Variants in NTM observed in about 807,000 individuals in gnomAD.
NTM encodes neurotrimin, also known as IgLON family member 2.
In NTM, 13 loss-of-function variants were observed where a neutral mutation model predicts 42.1. The ratio of observed to expected loss-of-function variants is 0.31; its 90% CI spans 0.20 to 0.49. The LOEUF is 0.49. NTM is among the 20% of genes least tolerant of loss of function. The probability of loss-of-function intolerance (pLI) is 0.99; values close to 1 mark genes in which losing one functional copy is unlikely to be tolerated. For missense variants in NTM, 373 were observed against 452.8 expected (o/e 0.82, Z 1.60); for synonymous variants, 187 against 179.2 (o/e 1.04, Z -0.35).
intron 1 of NTM, among the ~76,000 whole-genome samples, chr11:131,810,687 G>C (rs1275089486): frequency 6.6e-6 from 1 of 152,156 alleles, no homozygotes; most frequent in Admixed American, 6.5e-5. Flanking sequence ...TGCTTCCCCT[G>C]GTCAGCAGAT....
chr11:132,275,209 T>A (rs1288415282), intron 4 of NTM, among the ~76,000 whole-genome samples: 3 of 152,122 alleles, frequency 2.0e-5, no homozygotes, highest in Admixed American at 2.0e-4. Flanking sequence ...AGTTATTTTT[T>A]ATATGATGTA....
chr11:131,823,593 A>G (rs889456807), intron 1 of NTM, among the ~76,000 whole-genome samples: 2 of 152,190 alleles, frequency 1.3e-5, no homozygotes, highest in African/African-American at 2.4e-5. Flanking sequence ...ATATAATAGA[A>G]TACACTCTTT....
chr11:131,891,182 C>T (rs1022524610), intron 1 of NTM, among the ~76,000 whole-genome samples: 1 of 152,196 alleles, frequency 6.6e-6, no homozygotes, highest in South Asian at 2.1e-4. Context: ...TGTTGACACC[C>T]AACTATATCA....
intron 1 of NTM, among the ~76,000 whole-genome samples, chr11:131,637,491 T>C (rs1366901067): frequency 2.0e-5 from 3 of 151,666 alleles, no homozygotes; most frequent in African/African-American, 7.3e-5. Context: ...TAGATCATAC[T>C]GCCTAGGTGT....
chr11:132,251,891 A>G (rs189969484), intron 4 of NTM, among the ~76,000 whole-genome samples: 1 of 152,362 alleles, frequency 6.6e-6, no homozygotes, highest in Non-Finnish European at 1.5e-5. Context: ...GCTTCCACCC[A>G]TGAGAAGAAA....
In NTM at chr11:131,446,084, A is replaced by T. The variant is rs1459402363; in HGVS notation, c.82+75196A>T. ...TTTCTGCAGAGTTTTCAAATATCCA[A>T]CTTAAGACATCACACGTCTTAAGTC... is the stretch of plus-strand genomic sequence containing the variant. On this transcript the variant is annotated intron_variant, in intron 1 of 8. Coordinates refer to ENST00000683400, the MANE Select transcript of NTM (RefSeq NM_001352005.2). Among the ~76,000 whole-genome samples the T allele has an allele frequency of 4.6e-5, 7 of 152,146 alleles. No homozygotes were observed. The East Asian group carries it at 1.3e-3, about 29-fold the overall frequency.
intron 3 of NTM, among the ~76,000 whole-genome samples, chr11:132,196,242 A>G (rs1235880544): frequency 1.3e-5 from 2 of 152,198 alleles, no homozygotes; most frequent in South Asian, 2.1e-4. Context: ...TCAAACCACA[A>G]TGAGATACCA....
At chr11:131,673,281 G>A (rs2070746010) in intron 1 of NTM, among the ~76,000 whole-genome samples, 1 of 152,134 alleles carries the variant, frequency 6.6e-6, no homozygotes, top group Admixed American at 6.5e-5. Flanking sequence ...GCTCCTGAGT[G>A]GAGAGACTTG....
chr11:132,184,601 C>T (rs976129668), intron 3 of NTM, among the ~76,000 whole-genome samples: 2 of 152,128 alleles, frequency 1.3e-5, no homozygotes, highest in African/African-American at 4.8e-5. Flanking sequence ...CTCTCATTCA[C>T]CTGAAGCCTG....
intron 1 of NTM, among the ~76,000 whole-genome samples, chr11:131,422,157 A>G (rs1241864390): frequency 6.6e-6 from 1 of 152,226 alleles, no homozygotes; most frequent in East Asian, 1.9e-4. Flanking sequence ...TGAGCACAGG[A>G]GAGCTCAGGA....
intron 2 of NTM, among the ~76,000 whole-genome samples, chr11:132,025,263 G>A (rs748444873): frequency 1.3e-5 from 2 of 152,216 alleles, no homozygotes; most frequent in Non-Finnish European, 2.9e-5. Context: ...GGAGAAAGAG[G>A]TCTGCCATCC....
rs567451379 is a variant in NTM, at chr11:131,574,986, A to G, written c.82+204098A>G. Among the ~76,000 whole-genome samples the G allele has an allele frequency of 1.8e-4, 27 of 152,312 alleles. No homozygotes were observed. The East Asian group carries it at 5.0e-3, about 28-fold the overall frequency. ...TGGCCTGAGCTCTCTCAGGCTTGGA[A>G]GAGACTTTAGACAGCAAGCACTTCA... On this transcript the variant is annotated intron_variant, in intron 1 of 8. Transcript: ENST00000683400.
intron 3 of NTM, among the ~76,000 whole-genome samples, chr11:132,158,276 C>G (rs2073617326): frequency 1.3e-5 from 2 of 152,212 alleles, no homozygotes; most frequent in Non-Finnish European, 2.9e-5. Context: ...TCCTGGCTTC[C>G]AGGCCTTAAA....
chr11:131,404,728 G>A (rs931718979), intron 1 of NTM, among the ~76,000 whole-genome samples: 2 of 152,204 alleles, frequency 1.3e-5, no homozygotes, highest in Admixed American at 6.5e-5. Flanking sequence ...GCCCAATGGA[G>A]AGGTTTAGTT....
At chr11:132,074,088 T>A (rs557185648) in intron 2 of NTM, among the ~76,000 whole-genome samples, 1 of 152,316 alleles carries the variant, frequency 6.6e-6, no homozygotes, top group Admixed American at 6.5e-5. Context: ...CTCCCTCAAC[T>A]AATTTTTCAG....
chr11:131,411,939 T>C (rs1946469665), intron 1 of NTM, among the ~76,000 whole-genome samples: 1 of 152,150 alleles, frequency 6.6e-6, no homozygotes, highest in African/African-American at 2.4e-5. Flanking sequence ...CAAAACCCCT[T>C]GCATGGTTAG....
chr11:131,976,173 T>C (rs962565521), intron 2 of NTM, among the ~76,000 whole-genome samples: 2 of 144,794 alleles, frequency 1.4e-5, no homozygotes, highest in African/African-American at 5.0e-5. Flanking sequence ...CCTTCCTTCC[T>C]TTCTTCCTTT....
intron 1 of NTM, among the ~76,000 whole-genome samples, chr11:131,618,616 G>A (rs961113470): frequency 6.6e-6 from 1 of 152,182 alleles, no homozygotes; most frequent in Non-Finnish European, 1.5e-5. Context: ...ACATCAGGAT[G>A]TGAGCCCACT....
intron 1 of NTM, among the ~76,000 whole-genome samples, chr11:131,784,579 A>G (rs1675900617): frequency 6.6e-6 from 1 of 152,132 alleles, no homozygotes; most frequent in Admixed American, 6.5e-5. Flanking sequence ...GCAAAGCCAC[A>G]TTTCCTGGGG....
Sources: gnomAD v4.1 joint callset for allele counts (sites outside exome capture counted in the v4.1 genomes callset) on GRCh38, gnomAD v4.1.1 for gene constraint, MANE v1.5 for transcripts, NCBI Gene and HGNC (gene_info 2026-07-23, HGNC 2026-07-21) for gene names.